Variants in GRSF1 observed in about 807,000 individuals in gnomAD.
GRSF1 encodes G-rich RNA sequence binding factor 1.
A neutral mutation model predicts 51.1 loss-of-function variants in GRSF1; 50 were observed. That is an observed-to-expected ratio of 0.98 (90% CI 0.78 to 1.24). The LOEUF is 1.24. Ranked by LOEUF, GRSF1 falls within the 50% of genes most tolerant of loss-of-function variation. GRSF1 has a pLI of 0.00. For synonymous variants in GRSF1, 293 were observed against 253.3 expected, an observed-to-expected ratio of 1.16 and a Z score of -1.49; for missense variants, 700 against 639.7, an observed-to-expected ratio of 1.09 and a Z score of -1.02.
chr4:70,840,031 GGT>G (rs1734408944), upstream of GRSF1: 1 of 497,960 alleles, frequency 2.0e-6, no homozygotes. Context: ...GGCTGCCCAT[GGT>G]TTGGGCGGGG....
chr4:70,830,583 C>T (rs986742471), intron 5 of GRSF1, among the ~76,000 whole-genome samples: 2 of 151,930 alleles, frequency 1.3e-5, no homozygotes, highest in East Asian at 3.9e-4. Flanking sequence ...CTTTTGGAGG[C>T]CGAGGTGGGT....
At position 70,816,165 on chromosome 4, in the gene GRSF1, T is replaced by A. The variant is rs887798163; in HGVS notation, c.*4722A>T. ...ATACAGATGTTCCAGACATAGGGGT[T>A]TGAGTTACATGCTTTTACATCAAAA... On this transcript the variant is annotated 3_prime_UTR_variant, in exon 10 of 10. Transcript: ENST00000254799. The A allele has an allele frequency of 2.6e-5, 4 of 151,994 alleles. No individual in the cohort carries two copies. Among genetic ancestry groups the A allele is most frequent in the Admixed American group, 1.3e-4 (2 of 15,232 alleles). 9.4% of individuals were successfully genotyped at this position (151,994 alleles called of 1,614,324 possible).
chr4:70,821,169 G>A lies in GRSF1; in HGVS notation c.*26-308C>T, dbSNP rs188600381. ...AGGCCAGGCACGGTGGCTCACGCCTGTAATCCCAGCACTTTGGGAGGTTGA... is the reference window on the plus strand; with the variant it reads ...AGGCCAGGCACGGTGGCTCACGCCTATAATCCCAGCACTTTGGGAGGTTGA... On this transcript the variant is annotated intron_variant, in intron 9 of 9. Transcript: ENST00000254799. Among the ~76,000 whole-genome samples the A allele has an allele frequency of 7.3e-3, 1,109 of 152,338 alleles. 7 individuals carry two copies. The highest frequency in any genetic ancestry group is 0.011 in the Non-Finnish European group (759 of 68,034).
chr4:70,822,784 T>G (rs923450202), intron 9 of GRSF1, among the ~76,000 whole-genome samples: 11 of 152,078 alleles, frequency 7.2e-5, no homozygotes, highest in African/African-American at 2.7e-4. Context: ...TGCTCAAAGC[T>G]ACCATATAAA....
Position 70,815,997 on chromosome 4 carries a change from G to A in GRSF1, c.*4890C>T, listed in dbSNP as rs1482728328. 6.6e-6 allele frequency: 1 copy of A among 152,188 alleles called. No homozygotes were observed. Among genetic ancestry groups the A allele is most frequent in the African/African-American group, 2.4e-5 (1 of 41,426 alleles). 9.4% of individuals were successfully genotyped at this position (152,188 alleles called of 1,614,324 possible). A position where few individuals can be genotyped will look rare whatever the true frequency, so the allele number is the denominator to read the frequency against. On this transcript the variant is annotated 3_prime_UTR_variant, in exon 10 of 10. Coordinates refer to ENST00000254799, the MANE Select transcript of GRSF1 (RefSeq NM_002092.4). ...AACTTACAGAATACATACTGCATAA[G>A]TGAGTCCGTTATATGAAGTTCTAGA...
chr4:70,833,362 C>A, intron 2 of GRSF1, 89 bp from the exon 3 acceptor site: 1 of 1,117,470 alleles, frequency 8.9e-7, no homozygotes, highest in Admixed American at 2.1e-5. Flanking sequence ...TTTCCAACAA[C>A]AAAGCAGGAA....
At chr4:70,840,179 G>C (rs1393900990), upstream of GRSF1, among the ~76,000 whole-genome samples, 1 of 132,726 alleles carries the variant, frequency 7.5e-6, no homozygotes, top group Non-Finnish European at 1.6e-5. Flanking sequence ...GCTGCCCATG[G>C]TTTGGGCGGG....
chr4:70,832,254 A>G (rs1423808518), intron 4 of GRSF1, 53 bp downstream of exon 4: 4 of 1,511,442 alleles, frequency 2.6e-6, no homozygotes, highest in Non-Finnish European at 3.6e-6. Context: ...ATAGAAGGAG[A>G]TACCAAGGGA....
chr4:70,825,424 GC>G lies in GRSF1; in HGVS notation c.1264del (p.Ala422LeufsTer52). The G allele has an allele frequency of 6.2e-7, 1 of 1,606,390 alleles. No homozygotes were observed. Among genetic ancestry groups the G allele is most frequent in the Non-Finnish European group, 8.5e-7 (1 of 1,175,322 alleles). On this transcript the variant is annotated frameshift_variant, in exon 8 of 10. Transcript: ENST00000254799. LOFTEE classifies it high-confidence loss of function. ...ANAQDIINFF[A>X]PLKPVRITME... ...GGTGATTCTAACAGGCTTGAGTGGA[GC>G]AAAAAACTAAACGACAAACAAAGGC...
chr4:70,827,774 T>A, intron 6 of GRSF1, 78 bp downstream of exon 6: 1 of 1,027,616 alleles, frequency 9.7e-7, no homozygotes. Context: ...CGAGACTTCA[T>A]CTCAAAAAAA....
intron 4 of GRSF1, 75 bp from the exon 5 acceptor site, chr4:70,831,749 A>T (rs1020376919): frequency 7.6e-7 from 1 of 1,323,276 alleles, no homozygotes; most frequent in African/African-American, 1.5e-5. Context: ...TTCACATACT[A>T]ATAAAATTTT....
chr4:70,824,700 T>C (rs535960278), intron 8 of GRSF1, among the ~76,000 whole-genome samples: 7 of 152,102 alleles, frequency 4.6e-5, no homozygotes, highest in Non-Finnish European at 8.8e-5. Flanking sequence ...GGACAATCAC[T>C]TGAACCCAGG....
chr4:70,840,005 C>G (rs1309031043), upstream of GRSF1: 1 of 551,202 alleles, frequency 1.8e-6, no homozygotes, highest in Non-Finnish European at 3.1e-6. Context: ...TCCGCCCAGT[C>G]TCCGCCCTTG....
At chr4:70,837,822 T>G (rs1046736908) in intron 1 of GRSF1, among the ~76,000 whole-genome samples, 2 of 151,438 alleles carry the variant, frequency 1.3e-5, no homozygotes, top group South Asian at 2.1e-4. Flanking sequence ...ATTTTTTTAG[T>G]AGACACGGAG....
At chr4:70,833,807 C>T (rs150680945) in intron 2 of GRSF1, among the ~76,000 whole-genome samples, 159 of 152,240 alleles carry the variant, frequency 1.0e-3, no homozygotes, top group African/African-American at 3.8e-3. Flanking sequence ...GCATCAGCCA[C>T]CACACCCAGC....
At chr4:70,830,181 G>A (rs78381652) in intron 5 of GRSF1, among the ~76,000 whole-genome samples, 377 of 151,630 alleles carry the variant, frequency 2.5e-3, no homozygotes, top group African/African-American at 7.9e-3. Context: ...TAATCCTAGC[G>A]TTTTGGGAAG....
chr4:70,831,483 C>G (rs905675406), intron 5 of GRSF1, 56 bp downstream of exon 5: 99 of 1,481,264 alleles, frequency 6.7e-5, no homozygotes, highest in Admixed American at 3.9e-4. Context: ...ACAGCACATT[C>G]ATCAAAATGA....
intron 9 of GRSF1, among the ~76,000 whole-genome samples, chr4:70,822,258 G>T (rs1054188494): frequency 6.6e-5 from 10 of 152,074 alleles, no homozygotes; most frequent in Admixed American, 2.6e-4. Context: ...ATACACTCTG[G>T]TTTCACATGG....
chr4:70,839,280 G>A (rs574054033), intron 1 of GRSF1, 191 bp downstream of exon 1: 27 of 1,494,790 alleles, frequency 1.8e-5, no homozygotes, highest in East Asian at 1.6e-4. Flanking sequence ...CAGAAGACCC[G>A]ACGCCTGGGA....
Sources: allele counts gnomAD v4.1 joint callset (sites outside exome capture counted in the v4.1 genomes callset), GRCh38; gene constraint gnomAD v4.1.1; transcripts MANE v1.5; gene names NCBI Gene and HGNC (gene_info 2026-07-23, HGNC 2026-07-21).